C6: variants seen among roughly 807,000 people sequenced by gnomAD.
The protein encoded by C6 is complement C6, also known as complement component C6.
C6 carries 101 observed loss-of-function variants against 112.9 expected under a neutral mutation model. The observed-to-expected ratio is 0.89, with a 90% CI of 0.76 to 1.06. The LOEUF (loss-of-function observed/expected upper bound fraction) is 1.06. C6 is among the 50% of genes least tolerant of loss of function. C6 has a pLI of 0.00. For synonymous variants in C6, 431 were observed against 384.1 expected (o/e 1.12, Z -1.43); for missense variants, 1,202 against 1,104.6 (o/e 1.09, Z -1.25).
At chr5:41,243,717 C>G (rs934425166) in intron 1 of C6, among the ~76,000 whole-genome samples, 5 of 152,190 alleles carry the variant, frequency 3.3e-5, no homozygotes, top group African/African-American at 1.2e-4. Context: ...CTCTGCTACT[C>G]TCTGCCTGAA....
At chr5:41,249,304 T>TA (rs907859391) in intron 1 of C6, among the ~76,000 whole-genome samples, 4 of 151,908 alleles carry the variant, frequency 2.6e-5, no homozygotes, top group Non-Finnish European at 5.9e-5. Flanking sequence ...GAAATTACAT[T>TA]AAAAAAAAGT....
chr5:41,146,778 C>G (rs997159337), intron 17 of C6, among the ~76,000 whole-genome samples: 10 of 151,450 alleles, frequency 6.6e-5, no homozygotes, highest in Admixed American at 1.3e-4. Context: ...TTAAACACCT[C>G]AAGTATGTGA....
At chr5:41,243,874 G>A (rs1033264519) in intron 1 of C6, among the ~76,000 whole-genome samples, 1 of 152,192 alleles carries the variant, frequency 6.6e-6, no homozygotes, top group Non-Finnish European at 1.5e-5. Context: ...TCCTCAGTTG[G>A]AGTAACTCTG....
chr5:41,149,872 C>G lies in C6; in HGVS notation c.2381+63G>C, dbSNP rs910472266. 7.4e-5 allele frequency: 79 copies of G among 1,071,644 alleles called. No individual in the cohort carries two copies. In the East Asian group the frequency reaches 1.8e-3, roughly 25 times the overall value. The allele number at this position is 1,071,644 out of a possible 1,614,324, so 66.4% of individuals were successfully genotyped here. A position where few individuals can be genotyped will look rare whatever the true frequency, so the allele number is the denominator to read the frequency against. On this transcript the variant is annotated intron_variant, in intron 16 of 17. Coordinates refer to ENST00000337836, the MANE Select transcript of C6 (RefSeq NM_000065.5). ...GCTTCAAAAAGCTCAGCTCTTCCAT[C>G]AAATTGGTTACACTAGACTGGTTTT...
At chr5:41,196,432 A>T (rs1256560733) in intron 4 of C6, among the ~76,000 whole-genome samples, 1 of 151,950 alleles carries the variant, frequency 6.6e-6, no homozygotes, top group Non-Finnish European at 1.5e-5. Context: ...CCTTTATATG[A>T]TGTCCAGGGA....
chr5:41,161,582 G>T (rs963235511), intron 10 of C6, 111 bp downstream of exon 10: 4 of 891,048 alleles, frequency 4.5e-6, no homozygotes, highest in East Asian at 2.4e-5. Flanking sequence ...CTAAAGAAAG[G>T]CATTTCTTTC....
rs1050268339 is a variant in C6, at chr5:41,205,714, C to A, written c.-20-2464G>T. ...CTGAGGCTTGAGTAGGTAAACAAAG[C>A]AGCTGGGAATCTCGAACCTGGTGGA... On this transcript the variant is annotated intron_variant, in intron 1 of 17. Coordinates refer to ENST00000337836, the MANE Select transcript of C6 (RefSeq NM_000065.5). Among the ~76,000 whole-genome samples the A allele has an allele frequency of 3.3e-5, 5 of 152,206 alleles. No homozygotes were observed. The East Asian group carries it at 5.8e-4, about 18-fold the overall frequency.
chr5:41,242,909 A>AAG (rs1475725879), intron 1 of C6, among the ~76,000 whole-genome samples: 1 of 148,914 alleles, frequency 6.7e-6, no homozygotes, highest in African/African-American at 2.5e-5. Flanking sequence ...AAAAAAAAAA[A>AAG]TACTGTGTGG....
chr5:41,197,980 T>C (rs1267291198), intron 4 of C6, among the ~76,000 whole-genome samples: 1 of 152,184 alleles, frequency 6.6e-6, no homozygotes, highest in Non-Finnish European at 1.5e-5. Flanking sequence ...TGCACGTTTT[T>C]CCTATCCATT....
chr5:41,147,068 C>A (rs1745898808), intron 17 of C6, among the ~76,000 whole-genome samples: 1 of 152,120 alleles, frequency 6.6e-6, no homozygotes, highest in Non-Finnish European at 1.5e-5. Flanking sequence ...CTTAACTTCC[C>A]TGCTGACCAA....
chr5:41,178,664 C>A (rs1180483271), intron 7 of C6, among the ~76,000 whole-genome samples: 2 of 151,426 alleles, frequency 1.3e-5, no homozygotes, highest in African/African-American at 2.4e-5. Context: ...TTAGTAGATA[C>A]AGGGTTTCAC....
chr5:41,222,373 C>T (rs1049634670), intron 1 of C6, among the ~76,000 whole-genome samples: 1 of 151,736 alleles, frequency 6.6e-6, no homozygotes, highest in South Asian at 2.1e-4. Flanking sequence ...TTAAATATTA[C>T]ATTTAACTTG....
intron 1 of C6, among the ~76,000 whole-genome samples, chr5:41,211,320 T>TGGCATAA (rs1751907251): frequency 6.6e-6 from 1 of 151,444 alleles, no homozygotes; most frequent in Non-Finnish European, 1.5e-5. Context: ...TACACCAACA[T>TGGCATAA]GGCATATGTA....
At chr5:41,178,948 G>A (rs1749095200) in intron 7 of C6, among the ~76,000 whole-genome samples, 1 of 152,084 alleles carries the variant, frequency 6.6e-6, no homozygotes. Flanking sequence ...CCGCCTCCCG[G>A]GTTCAAGTGA....
intron 1 of C6, 28 bp downstream of exon 1, chr5:41,213,348 T>C (rs991191736): frequency 5.4e-6 from 5 of 924,646 alleles, no homozygotes; most frequent in African/African-American, 3.6e-5. Flanking sequence ...AATATTAAGA[T>C]TGAAAATGAA....
chr5:41,155,149 ACTCT>A (rs1561100179), intron 13 of C6, 45 bp from the exon 14 acceptor site: 1 of 1,538,914 alleles, frequency 6.5e-7, no homozygotes, highest in Admixed American at 1.7e-5. Context: ...TATGAATAAC[ACTCT>A]CTAAACTCTT....
intron 15 of C6, chr5:41,152,812 G>C (rs1746536659): frequency 6.6e-6 from 1 of 152,162 alleles, no homozygotes. Flanking sequence ...TTTCCAAAAA[G>C]AATCAATTCA....
chr5:41,225,422 AT>A, intron 1 of C6, among the ~76,000 whole-genome samples: 1 of 152,150 alleles, frequency 6.6e-6, no homozygotes, highest in Non-Finnish European at 1.5e-5. Flanking sequence ...GCTGCATAGT[AT>A]TCCATGGTGT....
At position 41,229,667 on chromosome 5, in the gene C6, T is replaced by G. The variant is rs538229418; in HGVS notation, c.-20-26417A>C. On this transcript the variant is annotated intron_variant, in intron 1 of 17. Coordinates refer to the C6 transcript ENST00000263413. The stretch of plus-strand genomic sequence containing the variant: ...TGTATTTTGTTGCTGTTGGATGGAA[T>G]GTTTTGTATATGCCTTTAAGGTCCA... Among the ~76,000 whole-genome samples the G allele has an allele frequency of 2.6e-5, 4 of 152,306 alleles. No individual in the cohort carries two copies. In the East Asian group the frequency reaches 7.7e-4, roughly 29 times the overall value.
Sources: gnomAD v4.1 joint callset for allele counts (sites outside exome capture counted in the v4.1 genomes callset) on GRCh38, gnomAD v4.1.1 for gene constraint, MANE v1.5 for transcripts, NCBI Gene and HGNC (gene_info 2026-07-23, HGNC 2026-07-21) for gene names.